The following PHKB variants were observed in gnomAD, a reference collection of about 807,000 sequenced individuals.
The protein encoded by PHKB is phosphorylase b kinase regulatory subunit beta.
In PHKB, 122 loss-of-function variants were observed where a neutral mutation model predicts 152.1. The ratio of observed to expected loss-of-function variants is 0.80; its 90% CI spans 0.69 to 0.93. The LOEUF is 0.93. Among genes scored for constraint, PHKB ranks in the 40% least tolerant of loss-of-function variants. The probability of loss-of-function intolerance (pLI) is 0.00; values close to 1 mark genes in which losing one functional copy is unlikely to be tolerated. For synonymous variants in PHKB, 436 were observed against 464.9 expected (o/e 0.94, Z 0.80); for missense variants, 1,304 against 1,328.4 (o/e 0.98, Z 0.29).
At chr16:47,566,604 G>C in intron 7 of PHKB, 1 of 1,383,688 alleles carries the variant, frequency 7.2e-7, no homozygotes, top group Non-Finnish European at 1.0e-6. Context: ...CCCTAGAAAA[G>C]CAATGTAGGG....
rs547579123 is a variant in PHKB, at chr16:47,661,259, A to T, written c.2196+440A>T. ...ATAGCACAGTGCCCTAATATGTAATAAACACTCTAAACAAGTCCCCTCCTA... is the reference window on the plus strand; with the variant it reads ...ATAGCACAGTGCCCTAATATGTAATTAACACTCTAAACAAGTCCCCTCCTA... On this transcript the variant is annotated intron_variant, in intron 22 of 30. Transcript: ENST00000323584. Among the ~76,000 whole-genome samples the T allele has an allele frequency of 7.2e-5, 11 of 152,184 alleles. 1 individual carries two copies. Among genetic ancestry groups the T allele is most frequent in the African/African-American group, 2.6e-4 (11 of 41,510 alleles).
At chr16:47,483,606 T>C (rs1329677846) in intron 1 of PHKB, among the ~76,000 whole-genome samples, 1 of 152,166 alleles carries the variant, frequency 6.6e-6, no homozygotes, top group Non-Finnish European at 1.5e-5. Flanking sequence ...CTGCCATTGG[T>C]CAAATCGTTT....
chr16:47,593,683 T>G, intron 11 of PHKB, 126 bp downstream of exon 11: 3 of 681,184 alleles, frequency 4.4e-6, no homozygotes, highest in East Asian at 2.8e-5. Context: ...TAGACTGCGC[T>G]TCAGTGATGT....
rs533660456 is a variant in PHKB, at chr16:47,551,181, T to G, written c.710+3633T>G. On this transcript the variant is annotated intron_variant, in intron 7 of 30. Transcript: ENST00000323584. Reference sequence around the variant, plus strand: ...AAAACCAGCTCTTGGATTCCTTGATTTTTTTGAAGGGTTTTTTGTGTCTCT... The same window carrying G: ...AAAACCAGCTCTTGGATTCCTTGATGTTTTTGAAGGGTTTTTTGTGTCTCT... Among the ~76,000 whole-genome samples the G allele has an allele frequency of 7.2e-5, 11 of 152,308 alleles. No homozygotes were observed. The South Asian group carries it at 2.3e-3, about 32-fold the overall frequency.
intron 27 of PHKB, among the ~76,000 whole-genome samples, chr16:47,692,431 C>T (rs148602407): frequency 0.022 from 3,371 of 152,192 alleles, 96 homozygotes; most frequent in Non-Finnish European, 0.031. Context: ...GCCTGGACAA[C>T]ATAGCCAGAC....
At chr16:47,631,001 GC>G (rs1332635330) in intron 14 of PHKB, among the ~76,000 whole-genome samples, 1 of 152,050 alleles carries the variant, frequency 6.6e-6, no homozygotes, top group African/African-American at 2.4e-5. Context: ...CTGGGTTTAG[GC>G]CTTCGGACTC....
At chr16:47,518,889 A>T (rs1021941813) in intron 6 of PHKB, among the ~76,000 whole-genome samples, 1 of 152,230 alleles carries the variant, frequency 6.6e-6, no homozygotes, top group African/African-American at 2.4e-5. Flanking sequence ...TCGTTTCATG[A>T]CATTCTCCAT....
intron 7 of PHKB, among the ~76,000 whole-genome samples, chr16:47,552,236 C>G (rs1971284601): frequency 6.6e-6 from 1 of 152,106 alleles, no homozygotes; most frequent in African/African-American, 2.4e-5. Context: ...ATTGGTATTT[C>G]AGAATTGGAT....
At chr16:47,669,948 A>G (rs550186482) in intron 26 of PHKB, among the ~76,000 whole-genome samples, 1 of 152,350 alleles carries the variant, frequency 6.6e-6, no homozygotes, top group African/African-American at 2.4e-5. Context: ...ATGAGGCAGC[A>G]TGGTGTAGGA....
rs1050585251 is a variant in PHKB, at chr16:47,681,354, A to C, written c.2631-7687A>C. The stretch of plus-strand genomic sequence containing the variant: ...AACTTTCTGTCTCGTTGATCTGTCA[A>C]ATGTTGACAGTGGGGTGTTAAAGTC... On this transcript the variant is annotated intron_variant, in intron 26 of 30. Coordinates refer to ENST00000323584, the MANE Select transcript of PHKB (RefSeq NM_000293.3). 1.3e-5 allele frequency among the ~76,000 whole-genome samples: 2 copies of C among 148,346 alleles called. 1 individual carries two copies. The highest frequency in any genetic ancestry group is 4.0e-4 in the East Asian group (2 of 5,000).
At chr16:47,607,074 T>C (rs1443438491) in intron 13 of PHKB, among the ~76,000 whole-genome samples, 1 of 152,224 alleles carries the variant, frequency 6.6e-6, no homozygotes, top group African/African-American at 2.4e-5. Flanking sequence ...ACATTATTTC[T>C]TAACAAACTG....
intron 7 of PHKB, among the ~76,000 whole-genome samples, chr16:47,564,293 A>G (rs1159869800): frequency 6.6e-6 from 1 of 152,050 alleles, no homozygotes; most frequent in African/African-American, 2.4e-5. Flanking sequence ...ATTCCCATCA[A>G]TAGTGTATAA....
chr16:47,609,596 A>G (rs1403545276), intron 13 of PHKB, among the ~76,000 whole-genome samples: 1 of 151,632 alleles, frequency 6.6e-6, no homozygotes, highest in Non-Finnish European at 1.5e-5. Flanking sequence ...CAATCACTTT[A>G]TGTACTTTTT....
At chr16:47,507,902 A>G (rs964627447) in intron 4 of PHKB, among the ~76,000 whole-genome samples, 3 of 152,110 alleles carry the variant, frequency 2.0e-5, no homozygotes, top group Non-Finnish European at 4.4e-5. Context: ...CCTTTACAAT[A>G]CTGTTGCAAG....
chr16:47,573,922 A>AT (rs112321255), intron 7 of PHKB, among the ~76,000 whole-genome samples: 17,805 of 151,152 alleles, frequency 0.12, 2,286 homozygotes, highest in African/African-American at 0.32. Flanking sequence ...ACGCAAAACA[A>AT]TTTTTTTTTC....
chr16:47,683,096 A>G (rs983080728), intron 26 of PHKB, among the ~76,000 whole-genome samples: 10 of 152,140 alleles, frequency 6.6e-5, no homozygotes, highest in African/African-American at 2.2e-4. Context: ...GTGAACCGCA[A>G]ATGCTGCTGC....
intron 2 of PHKB, among the ~76,000 whole-genome samples, chr16:47,499,014 A>G (rs1242065779): frequency 1.3e-5 from 2 of 152,208 alleles, no homozygotes; most frequent in Admixed American, 1.3e-4. Context: ...TAGTAAATGT[A>G]ATTTTAGTGT....
intron 7 of PHKB, among the ~76,000 whole-genome samples, chr16:47,550,476 A>G (rs924124243): frequency 6.6e-6 from 1 of 152,228 alleles, no homozygotes; most frequent in African/African-American, 2.4e-5. Context: ...TTCCCTTTGT[A>G]GTCTGACACT....
chr16:47,594,161 A>T lies in PHKB; in HGVS notation c.1151A>T (p.Gln384Leu). The T allele has an allele frequency of 6.4e-7, 1 of 1,567,258 alleles. No individual in the cohort carries two copies. Among genetic ancestry groups the T allele is most frequent in the Non-Finnish European group, 8.8e-7 (1 of 1,137,592 alleles). ...IDGVFRGNPK[Q>L]VQEYQDLLTP... Reference sequence around the variant, plus strand: ...GGAGTTTTTAGAGGCAATCCTAAGCAAGTACAGGAATATCAGGATCTTTTG... The same window carrying T: ...GGAGTTTTTAGAGGCAATCCTAAGCTAGTACAGGAATATCAGGATCTTTTG... The change falls in exon 12 of 31, where the codon CAA (glutamine) becomes CTA (leucine). Residue 384 changes from glutamine (Q) to leucine (L), a missense_variant. By Grantham distance (113) the Gln-to-Leu change is moderately radical. Coordinates refer to ENST00000323584, the MANE Select transcript of PHKB (RefSeq NM_000293.3).
Sources: allele counts gnomAD v4.1 joint callset (sites outside exome capture counted in the v4.1 genomes callset), GRCh38; gene constraint gnomAD v4.1.1; transcripts MANE v1.5; gene names NCBI Gene and HGNC (gene_info 2026-07-23, HGNC 2026-07-21).